SAMD14: variants seen among roughly 807,000 people sequenced by gnomAD.
SAMD14 encodes the protein sterile alpha motif domain-containing protein 14.
SAMD14 carries 27 observed loss-of-function variants against 46.2 expected under a neutral mutation model. That is an observed-to-expected ratio of 0.58 (90% confidence interval 0.43 to 0.81). The LOEUF (loss-of-function observed/expected upper bound fraction) is 0.81, where lower values mean the gene tolerates loss of function less well. Among genes scored for constraint, SAMD14 ranks in the 30% least tolerant of loss-of-function variants. The pLI, the probability that SAMD14 is intolerant of heterozygous loss-of-function variation, is 0.00. For synonymous variants in SAMD14, 241 were observed against 254.3 expected, an observed-to-expected ratio of 0.95 and a Z score of 0.50; for missense variants, 559 against 582.2, an observed-to-expected ratio of 0.96 and a Z score of 0.41.
In SAMD14 at chr17:50,117,644, A is replaced by G; in HGVS notation, c.262T>C (p.Ser88Pro). 1.3e-6 allele frequency: 2 copies of G among 1,556,156 alleles called. No individual in the cohort carries two copies. Among genetic ancestry groups the G allele is most frequent in the South Asian group, 1.2e-5 (1 of 85,118 alleles). ...PLHRLRSPLH[S>P]GPGSPAGGSF... The stretch of plus-strand genomic sequence containing the variant: ...CCCCCGGCCGGGGACCCCGGGCCTG[A>G]GTGCAAAGGCGAGCGCAGCCGGTGC... Residue 88 changes from serine to proline, a missense_variant, in exon 4 of 10, where the codon TCA becomes CCA. Coordinates refer to ENST00000330175, the MANE Select transcript of SAMD14 (RefSeq NM_001257359.2).
rs889692463 is a variant in SAMD14, at chr17:50,129,938, C to CT, written c.-435dup. 26 of 151,616 alleles carry CT rather than the reference C, an allele frequency of 1.7e-4. No individual in the cohort carries two copies. The highest frequency in any genetic ancestry group is 1.6e-3 in the Admixed American group (25 of 15,256). The allele number at this position is 151,616 out of a possible 1,614,324, so 9.4% of individuals were successfully genotyped here. ...GCCTGGCCGGACGCGGGGCCCCCGC[C>CT]TGGCAGGGCCGATTCGCGCGGCGTC... On this transcript the variant is annotated 5_prime_UTR_variant, in exon 1 of 10. Transcript: ENST00000330175. The surrounding 1 kb of genome is among the most constrained non-coding windows in gnomAD (Gnocchi z 5.6).
At chr17:50,117,081 G>C (rs754026662) in intron 4 of SAMD14, among the ~76,000 whole-genome samples, 1 of 152,074 alleles carries the variant, frequency 6.6e-6, no homozygotes, top group Non-Finnish European at 1.5e-5. Flanking sequence ...GAACTCCTGG[G>C]CTCAAGCGAT....
chr17:50,116,184 A>G, intron 4 of SAMD14, 94 bp from the exon 5 acceptor site: 1 of 1,495,972 alleles, frequency 6.7e-7, no homozygotes, highest in Non-Finnish European at 8.9e-7. Flanking sequence ...CTCTTGACTT[A>G]GAATCAGGCA....
Position 50,112,441 on chromosome 17 carries a change from A to T in SAMD14, c.*452T>A, listed in dbSNP as rs1910902436. On this transcript the variant is annotated 3_prime_UTR_variant, in exon 10 of 10. Coordinates refer to ENST00000330175, the MANE Select transcript of SAMD14 (RefSeq NM_001257359.2). ...AAGAGTGGAGAGGAGCCGCTCCCACATGGGCTCCTGCTGAAATGCCCAGCC... is the reference window on the plus strand; with the variant it reads ...AAGAGTGGAGAGGAGCCGCTCCCACTTGGGCTCCTGCTGAAATGCCCAGCC... 6.5e-6 allele frequency: 1 copy of T among 154,778 alleles called. No homozygotes were observed. Among genetic ancestry groups the T allele is most frequent in the African/African-American group, 2.4e-5 (1 of 41,454 alleles). 9.6% of individuals were successfully genotyped at this position (154,778 alleles called of 1,614,324 possible).
In SAMD14 at chr17:50,114,312, C is replaced by G. The variant is rs12453016; in HGVS notation, c.823-6G>C. The G allele has an allele frequency of 2.6e-3, 4,250 of 1,614,010 alleles. 15 individuals are homozygous for G. The highest frequency in any genetic ancestry group is 5.7e-3 in the East Asian group (257 of 44,878). On this transcript the variant is annotated splice_region_variant and splice_polypyrimidine_tract_variant and intron_variant, in intron 7 of 9. Coordinates refer to ENST00000330175, the MANE Select transcript of SAMD14 (RefSeq NM_001257359.2). ...TCATCACTCAGAGTGGATTCCTAGA[C>G]AGAAAAAGGTGCATGCCACTGAGGA... is the stretch of plus-strand genomic sequence containing the variant.
At chr17:50,118,472 A>T in intron 2 of SAMD14, 145 bp from the exon 3 acceptor site, 3 of 963,816 alleles carry the variant, frequency 3.1e-6, no homozygotes, top group Non-Finnish European at 4.5e-6. Flanking sequence ...GATGAAAAAC[A>T]GGGTGTCTCC....
At position 50,129,848 on chromosome 17, in the gene SAMD14, G is replaced by GAGAA. The variant is rs952029941; in HGVS notation, c.-345_-344insTTCT. 1 of 148,202 alleles carries GAGAA rather than the reference G, an allele frequency of 6.7e-6. No individual in the cohort carries two copies. Among genetic ancestry groups the GAGAA allele is most frequent in the Non-Finnish European group, 1.5e-5 (1 of 67,930 alleles). The allele number at this position is 148,202 out of a possible 1,614,324, so 9.2% of individuals were successfully genotyped here. On this transcript the variant is annotated 5_prime_UTR_variant, in exon 1 of 10. Coordinates refer to ENST00000330175, the MANE Select transcript of SAMD14 (RefSeq NM_001257359.2). This position sits in a 1 kb window ranked among gnomAD's most constrained non-coding sequence, Gnocchi z 5.6. ...TGTGCGTGTGTGTGTGTGTGACAGAGAGAGAGAGAGAGAGAAGAGCGAAGA... is the reference window on the plus strand; with the variant it reads ...TGTGCGTGTGTGTGTGTGTGACAGAGAGAAAGAGAGAGAGAGAGAAGAGCGAAGA...
chr17:50,126,718 T>C (rs1911793159), intron 1 of SAMD14, among the ~76,000 whole-genome samples: 1 of 152,194 alleles, frequency 6.6e-6, no homozygotes, highest in Non-Finnish European at 1.5e-5. Context: ...CTTATAATCC[T>C]AGCTACTCAG....
intron 1 of SAMD14, among the ~76,000 whole-genome samples, chr17:50,127,106 A>G (rs1227625654): frequency 2.0e-5 from 3 of 151,744 alleles, no homozygotes; most frequent in African/African-American, 7.3e-5. Flanking sequence ...ATCTCAAAAA[A>G]AAAAAAATTA....
chr17:50,115,614 T>C lies in SAMD14; in HGVS notation c.772A>G (p.Thr258Ala), dbSNP rs868124951. ...AAGCCCTCGTGTTTAGGGGAGCAGG[T>C]GGGGGAGGTGGTGCTACCCGAGGAT... ...SASSGSTTSPTCSPKHEGFSP... is the reference protein window; with the variant it reads ...SASSGSTTSPACSPKHEGFSP... Residue 258 changes from threonine to alanine, a missense_variant, in exon 7 of 10, where the codon ACC (threonine) becomes GCC (alanine). Coordinates refer to ENST00000330175, the MANE Select transcript of SAMD14 (RefSeq NM_001257359.2). The surrounding 1 kb of genome is among the most constrained non-coding windows in gnomAD (Gnocchi z 5.3). The C allele has an allele frequency of 2.5e-6, 4 of 1,598,110 alleles. No homozygotes were observed. The South Asian group carries it at 4.5e-5, about 18-fold the overall frequency.
chr17:50,110,181 G>A lies in SAMD14; in HGVS notation c.*2712C>T, dbSNP rs1910758528. 1 of 1,421,768 alleles carries A rather than the reference G, an allele frequency of 7.0e-7. No individual in the cohort carries two copies. The highest frequency in any genetic ancestry group is 9.4e-7 in the Non-Finnish European group (1 of 1,065,708). The allele number at this position is 1,421,768 out of a possible 1,614,324, so 88.1% of individuals were successfully genotyped here. A position where few individuals can be genotyped will look rare whatever the true frequency, so the allele number is the denominator to read the frequency against. On this transcript the variant is annotated 3_prime_UTR_variant, in exon 10 of 10. Transcript: ENST00000330175. ...TGGTGCCCCTCACCATCCTCCTGGG[G>A]GAGCAGGGGGTGGGTTCTCCCTGAT...
chr17:50,126,642 G>T (rs895099144), intron 1 of SAMD14, among the ~76,000 whole-genome samples: 1 of 151,920 alleles, frequency 6.6e-6, no homozygotes, highest in East Asian at 1.9e-4. Flanking sequence ...GATACATATC[G>T]CCACTTTACA....
At position 50,114,049 on chromosome 17, in the gene SAMD14, G is replaced by A; in HGVS notation, c.973C>T (p.His325Tyr). ...FLDEPLPPVH[H>Y]WTSQQVGQWL... ...TGGCCCACCTGCTGGCTGGTCCAGT[G>A]GTGGACAGGGGGGAGGGGTTCATCC... is the stretch of plus-strand genomic sequence containing the variant. The change falls in exon 9 of 10, where the codon CAC becomes TAC. Residue 325 changes from histidine to tyrosine, a missense_variant. His to Tyr is a moderately conservative substitution (Grantham distance 83). Coordinates refer to ENST00000330175, the MANE Select transcript of SAMD14 (RefSeq NM_001257359.2). 2 of 1,613,654 alleles carry A rather than the reference G, an allele frequency of 1.2e-6. No individual in the cohort carries two copies. Among genetic ancestry groups the A allele is most frequent in the Non-Finnish European group, 1.7e-6 (2 of 1,180,026 alleles).
intron 1 of SAMD14, among the ~76,000 whole-genome samples, chr17:50,127,388 A>C (rs1340727074): frequency 1.3e-5 from 2 of 152,152 alleles, no homozygotes; most frequent in African/African-American, 2.4e-5. Flanking sequence ...AGATCACCTG[A>C]GGTCGGGAGT....
intron 2 of SAMD14, among the ~76,000 whole-genome samples, chr17:50,122,234 G>A (rs1433931184): frequency 1.3e-5 from 2 of 152,166 alleles, no homozygotes; most frequent in East Asian, 1.9e-4. Flanking sequence ...GCCAATGACT[G>A]TCTCCTCATG....
chr17:50,117,565 G>A lies in SAMD14; in HGVS notation c.341C>T (p.Pro114Leu). 1.9e-6 allele frequency: 3 copies of A among 1,549,956 alleles called. No individual in the cohort carries two copies. The highest frequency in any genetic ancestry group is 1.2e-5 in the South Asian group (1 of 84,080). Residue 114 changes from proline to leucine, a missense_variant, in exon 4 of 10, where the codon CCG becomes CTG. Physicochemically the swap from Pro to Leu is moderately conservative, Grantham distance 98. Coordinates refer to ENST00000330175, the MANE Select transcript of SAMD14 (RefSeq NM_001257359.2). ...GLRRSLDEDEPPPSPLTRYRP... is the reference protein window; with the variant it reads ...GLRRSLDEDELPPSPLTRYRP... ...GTAGCGTGTGAGCGGCGAGGGCGGC[G>A]GCTCGTCCTCGTCCAGGCTGCGCCG...
intron 2 of SAMD14, among the ~76,000 whole-genome samples, chr17:50,121,809 G>GA (rs79387380): frequency 0.54 from 81,955 of 151,540 alleles, 22,329 homozygotes; most frequent in Admixed American, 0.64. Context: ...ACTGGCCCTG[G>GA]CCCAGATGGC....
At chr17:50,122,003 AC>A in intron 2 of SAMD14, among the ~76,000 whole-genome samples, 1 of 152,366 alleles carries the variant, frequency 6.6e-6, no homozygotes, top group Non-Finnish European at 1.5e-5. Context: ...ATGACTTAGT[AC>A]GAGCTCAACA....
In SAMD14 at chr17:50,117,469, G is replaced by T. The variant is rs570808135; in HGVS notation, c.437C>A (p.Pro146His). 5.3e-5 allele frequency: 74 copies of T among 1,397,904 alleles called. 1 individual carries two copies. In the South Asian group the frequency reaches 9.6e-4, roughly 18 times the overall value. The allele number at this position is 1,397,904 out of a possible 1,614,324, so 86.6% of individuals were successfully genotyped here. The change falls in exon 4 of 10, where the codon CCC becomes CAC. Residue 146 changes from proline (P) to histidine (H), a missense_variant. Physicochemically the swap from Pro to His is moderately conservative, Grantham distance 77 (BLOSUM62 -2). Coordinates refer to ENST00000330175, the MANE Select transcript of SAMD14 (RefSeq NM_001257359.2). ...AASCSPPRSA[P>H]SSDSSPSFVR... Reference sequence around the variant, plus strand: ...GAAGCTGGGGGAGCTGTCGGAGGAGGGCGCGGAGCGCGGCGGAGAGCAGGA... The same window carrying T: ...GAAGCTGGGGGAGCTGTCGGAGGAGTGCGCGGAGCGCGGCGGAGAGCAGGA...
Sources: allele counts gnomAD v4.1 joint callset (sites outside exome capture counted in the v4.1 genomes callset), GRCh38; gene constraint gnomAD v4.1.1; non-coding constraint Gnocchi (gnomAD v3.1); transcripts MANE v1.5; gene names NCBI Gene and HGNC (gene_info 2026-07-23, HGNC 2026-07-21).